Variants in CCDC110 observed in about 807,000 individuals in gnomAD.
The protein encoded by CCDC110 is coiled-coil domain containing 110, also known as coiled-coil domain-containing protein 110.
A neutral mutation model predicts 77.1 loss-of-function variants in CCDC110; 70 were observed. The observed-to-expected ratio is 0.91, with a 90% CI of 0.75 to 1.11. The LOEUF is 1.11. CCDC110 is among the 50% of genes least tolerant of loss of function. CCDC110 has a pLI of 0.00. For synonymous variants in CCDC110, 295 were observed against 312.5 expected, an observed-to-expected ratio of 0.94 and a Z score of 0.59; for missense variants, 868 against 942.9, an observed-to-expected ratio of 0.92 and a Z score of 1.04.
intron 4 of CCDC110, among the ~76,000 whole-genome samples, chr4:185,461,381 A>G (rs939006577): frequency 3.9e-5 from 6 of 152,200 alleles, no homozygotes; most frequent in African/African-American, 1.4e-4. Flanking sequence ...AATTTAGTAA[A>G]ACAAAGTTTT....
At chr4:185,454,511 C>T (rs1347790428) in intron 6 of CCDC110, among the ~76,000 whole-genome samples, 2 of 151,842 alleles carry the variant, frequency 1.3e-5, no homozygotes, top group African/African-American at 2.4e-5. Flanking sequence ...GTCAGGAGTT[C>T]GAGATCAGCC....
chr4:185,460,216 T>C lies in CCDC110; in HGVS notation c.371A>G (p.Asn124Ser). Residue 124 changes from asparagine (N) to serine (S), a missense_variant, in exon 6 of 7, where the codon AAC becomes AGC. Asn to Ser is a conservative substitution (Grantham distance 46). Coordinates refer to ENST00000307588, the MANE Select transcript of CCDC110 (RefSeq NM_152775.4). ...KDLPTENQEE[N>S]LSMEKSHHFE... ...ATGATGACTTTTCTCCATAGAAAGGTTTTCTTCTTGATTCTCTGTAGGCTG... is the reference window on the plus strand; with the variant it reads ...ATGATGACTTTTCTCCATAGAAAGGCTTTCTTCTTGATTCTCTGTAGGCTG... The C allele has an allele frequency of 5.6e-6, 9 of 1,604,542 alleles. No individual in the cohort carries two copies. The highest frequency in any genetic ancestry group is 1.3e-5 in the African/African-American group (1 of 74,862).
At chr4:185,461,194 G>T (rs769055135) in intron 4 of CCDC110, 35 bp from the exon 5 acceptor site, 7 of 1,132,038 alleles carry the variant, frequency 6.2e-6, no homozygotes, top group Middle Eastern at 2.0e-4. Context: ...TTTGATTTCA[G>T]ATTTGTAAAC....
chr4:185,459,401 C>T lies in CCDC110; in HGVS notation c.1186G>A (p.Glu396Lys). Residue 396 changes from glutamate (E) to lysine (K), a missense_variant, in exon 6 of 7, where the codon GAA becomes AAA. Glu to Lys is a moderately conservative substitution (Grantham distance 56). Transcript: ENST00000307588. Reference sequence around the variant, plus strand: ...TGTTTTACTAGAAATGGTTGTCTTTCTTTGTCTTTCATTTCATGTTTTGTT... The same window carrying T: ...TGTTTTACTAGAAATGGTTGTCTTTTTTTGTCTTTCATTTCATGTTTTGTT... ...DQTKHEMKDK[E>K]RQPFLVKQGS... 6.2e-7 allele frequency: 1 copy of T among 1,611,768 alleles called. No individual in the cohort carries two copies. The highest frequency in any genetic ancestry group is 8.5e-7 in the Non-Finnish European group (1 of 1,178,846).
At position 185,459,001 on chromosome 4, in the gene CCDC110, T is replaced by C; in HGVS notation, c.1586A>G (p.Asn529Ser). 1 of 1,599,360 alleles carries C rather than the reference T, an allele frequency of 6.3e-7. No individual in the cohort carries two copies. Among genetic ancestry groups the C allele is most frequent in the Middle Eastern group, 1.7e-4 (1 of 5,834 alleles). Residue 529 changes from asparagine (N) to serine (S), a missense_variant, in exon 6 of 7, where the codon AAT becomes AGT. Asn to Ser is a conservative substitution (Grantham distance 46, BLOSUM62 1). Transcript: ENST00000307588. ...QGQNKTLEEK[N>S]IQLSLEKQQM... ...TTGCTTCTCTAAAGAAAGTTGTATA[T>C]TTTTTTCCTCTAGAGTTTTATTTTG... is the stretch of plus-strand genomic sequence containing the variant.
intron 6 of CCDC110, chr4:185,449,702 C>T: frequency 1.7e-6 from 2 of 1,190,402 alleles, no homozygotes; most frequent in South Asian, 1.6e-5. Flanking sequence ...CTATCAAGAG[C>T]TAATTATTTG....
intron 6 of CCDC110, chr4:185,449,607 C>G (rs1473624526): frequency 5.2e-6 from 8 of 1,541,842 alleles, no homozygotes; most frequent in Non-Finnish European, 7.0e-6. Context: ...GCACTAAATT[C>G]AAAGAACTAC....
At chr4:185,470,259 G>C (rs531568004) in intron 2 of CCDC110, among the ~76,000 whole-genome samples, 1 of 152,182 alleles carries the variant, frequency 6.6e-6, no homozygotes, top group Non-Finnish European at 1.5e-5. Flanking sequence ...GAGCCTCTGC[G>C]GATAGCAAAA....
chr4:185,451,926 T>G (rs1345102139), intron 6 of CCDC110, among the ~76,000 whole-genome samples: 5 of 152,230 alleles, frequency 3.3e-5, no homozygotes, highest in Non-Finnish European at 5.9e-5. Context: ...GTGTGACAAT[T>G]GACAGACCTT....
Position 185,458,989 on chromosome 4 carries a change from G to T in CCDC110, c.1598C>A (p.Ser533Tyr). 6.2e-7 allele frequency: 1 copy of T among 1,603,064 alleles called. No individual in the cohort carries two copies. The highest frequency in any genetic ancestry group is 8.5e-7 in the Non-Finnish European group (1 of 1,177,186). Residue 533 changes from serine to tyrosine, a missense_variant, in exon 6 of 7, where the codon TCT becomes TAT. Transcript: ENST00000307588. Reference protein sequence around the residue: ...KTLEEKNIQLSLEKQQMMEAL... With the variant: ...KTLEEKNIQLYLEKQQMMEAL... Reference sequence around the variant, plus strand: ...TTCCATCATTTGTTGCTTCTCTAAAGAAAGTTGTATATTTTTTTCCTCTAG... The same window carrying T: ...TTCCATCATTTGTTGCTTCTCTAAATAAAGTTGTATATTTTTTTCCTCTAG...
At chr4:185,451,275 T>G (rs2095628876) in intron 6 of CCDC110, among the ~76,000 whole-genome samples, 1 of 152,156 alleles carries the variant, frequency 6.6e-6, no homozygotes, top group African/African-American at 2.4e-5. Context: ...ATTGTGAAAA[T>G]GGACAAATAC....
rs2095645472 is a variant in CCDC110 at position 185,461,069 on chromosome 4, T to C, written c.328A>G (p.Thr110Ala). Residue 110 changes from threonine (T) to alanine (A), a missense_variant, in exon 5 of 7, where the codon ACG (threonine) becomes GCG (alanine). By Grantham distance (58) the Thr-to-Ala change is moderately conservative. Transcript: ENST00000307588. ...CATACCAAATCCTTTTCAATGCGCG[T>C]GCCAAACACCAGATTTTTTTCTGAG... ...FSSEKNLVFG[T>A]RIEKDLPTEN... The C allele has an allele frequency of 6.3e-7, 1 of 1,576,208 alleles. No individual in the cohort carries two copies. The highest frequency in any genetic ancestry group is 8.6e-7 in the Non-Finnish European group (1 of 1,156,482).
chr4:185,458,974 T>G lies in CCDC110; in HGVS notation c.1613A>C (p.Gln538Pro), dbSNP rs374053677. The G allele has an allele frequency of 1.4e-5, 23 of 1,606,856 alleles. No homozygotes were observed. The African/African-American group carries it at 2.9e-4, about 21-fold the overall frequency. ...TAGTTGATCTAATGCTTCCATCATTTGTTGCTTCTCTAAAGAAAGTTGTAT... is the reference window on the plus strand; with the variant it reads ...TAGTTGATCTAATGCTTCCATCATTGGTTGCTTCTCTAAAGAAAGTTGTAT... ...KNIQLSLEKQ[Q>P]MMEALDQLKS... is the part of the protein sequence containing the mutation. The change falls in exon 6 of 7, where the codon CAA becomes CCA. Residue 538 changes from glutamine to proline, a missense_variant. Gln to Pro is a moderately conservative substitution (Grantham distance 76, BLOSUM62 -1). Transcript: ENST00000307588.
At chr4:185,454,972 C>T (rs1393056720) in intron 6 of CCDC110, among the ~76,000 whole-genome samples, 4 of 152,076 alleles carry the variant, frequency 2.6e-5, no homozygotes, top group African/African-American at 7.2e-5. Flanking sequence ...TTATAATGTT[C>T]GTACAAGGTG....
chr4:185,459,072 A>G lies in CCDC110; in HGVS notation c.1515T>C (p.Leu505=). Residue 505 remains leucine, a synonymous_variant, in exon 6 of 7, where the codon CTT becomes CTC. Transcript: ENST00000307588. ...TACTAATTATTTTTTTAAATTCTTT[A>G]AGACACTCTTTGCTGTATTCTTCTG... is the stretch of plus-strand genomic sequence containing the variant. ...SKTEEYSKEC[L]KEFKKIISKY... The G allele has an allele frequency of 6.4e-7, 1 of 1,573,022 alleles. No individual in the cohort carries two copies. Among genetic ancestry groups the G allele is most frequent in the Non-Finnish European group, 8.6e-7 (1 of 1,156,502 alleles).
rs549989556 is a variant in CCDC110 at position 185,447,694 on chromosome 4, T to G, written c.2462-2152A>C. Among the ~76,000 whole-genome samples, 6 of 152,304 alleles carry G rather than the reference T, an allele frequency of 3.9e-5. No homozygotes were observed. The South Asian group carries it at 1.2e-3, about 32-fold the overall frequency. ...AGTATTAGAACCAGTGTCTTTCCTA[T>G]GAATTCAATTTCAGTAATATAGTAT... On this transcript the variant is annotated intron_variant, in intron 6 of 6. Coordinates refer to ENST00000307588, the MANE Select transcript of CCDC110 (RefSeq NM_152775.4).
At chr4:185,462,592 G>C in intron 4 of CCDC110, 51 bp downstream of exon 4, 1 of 1,383,434 alleles carries the variant, frequency 7.2e-7, no homozygotes. Flanking sequence ...TTAGAAGATG[G>C]GATGATACTT....
chr4:185,467,267 G>A (rs543441266), intron 2 of CCDC110, among the ~76,000 whole-genome samples: 2 of 152,216 alleles, frequency 1.3e-5, no homozygotes, highest in South Asian at 4.2e-4. Flanking sequence ...GCAGGGAGTC[G>A]GATTCATCTA....
chr4:185,451,212 TTAAACC>T (rs1160620794), intron 6 of CCDC110, among the ~76,000 whole-genome samples: 4 of 145,564 alleles, frequency 2.7e-5, no homozygotes, highest in East Asian at 4.5e-4. Context: ...TGTGAGTCCA[TTAAACC>T]TCTTTTTCTT....
Sources: gnomAD v4.1 joint callset for allele counts (sites outside exome capture counted in the v4.1 genomes callset) on GRCh38, gnomAD v4.1.1 for gene constraint, MANE v1.5 for transcripts, NCBI Gene and HGNC (gene_info 2026-07-23, HGNC 2026-07-21) for gene names.